Variants in OPTN observed in about 807,000 individuals in gnomAD.
The protein encoded by OPTN is optineurin, also known as E3-14.7K-interacting protein.
OPTN carries 54 observed loss-of-function variants against 70.4 expected under a neutral mutation model. That is an observed-to-expected ratio of 0.77 (90% CI 0.62 to 0.96). The LOEUF (loss-of-function observed/expected upper bound fraction) is 0.96, where lower values mean the gene tolerates loss of function less well. OPTN is among the 40% of genes least tolerant of loss of function. The probability of loss-of-function intolerance (pLI) is 0.00; values close to 1 mark genes in which losing one functional copy is unlikely to be tolerated. For synonymous variants in OPTN, 256 were observed against 248.5 expected (o/e 1.03, Z -0.28); for missense variants, 624 against 673.2 (o/e 0.93, Z 0.81).
chr10:13,113,793 C>G (rs545329271), intron 5 of OPTN, among the ~76,000 whole-genome samples: 1 of 152,282 alleles, frequency 6.6e-6, no homozygotes, highest in African/African-American at 2.4e-5. Flanking sequence ...TGTAATGGCT[C>G]ACGCCTATAA....
At chr10:13,112,722 A>T (rs1040792405) in intron 5 of OPTN, 87 bp downstream of exon 5, 1 of 1,331,378 alleles carries the variant, frequency 7.5e-7, no homozygotes, top group Non-Finnish European at 1.1e-6. Context: ...TCTTGTCAAC[A>T]CAAGCCAAGG....
At chr10:13,127,926 A>G in intron 12 of OPTN, 23 bp downstream of exon 12, 2 of 1,613,708 alleles carry the variant, frequency 1.2e-6, no homozygotes, top group Non-Finnish European at 1.7e-6. Context: ...CCAAAACCCC[A>G]GCTGAGCGAG....
At chr10:13,130,231 C>T (rs932160602) in intron 12 of OPTN, among the ~76,000 whole-genome samples, 3 of 151,850 alleles carry the variant, frequency 2.0e-5, no homozygotes, top group African/African-American at 4.8e-5. Flanking sequence ...TCGAGACCAA[C>T]CTGGCCAATA....
In OPTN at chr10:13,133,492, G is replaced by T; in HGVS notation, c.1533-10G>T. 2 of 1,613,726 alleles carry T rather than the reference G, an allele frequency of 1.2e-6. No individual in the cohort carries two copies. The highest frequency in any genetic ancestry group is 1.3e-5 in the African/African-American group (1 of 74,986). ...AACATCACACAGCGTGTTGCTTTTC[G>T]TCCTGGCAGGCAGTCCTTGATGGAG... On this transcript the variant is annotated splice_polypyrimidine_tract_variant and intron_variant, in intron 13 of 14. Coordinates refer to ENST00000378747, the MANE Select transcript of OPTN (RefSeq NM_001008212.2).
In OPTN at chr10:13,122,417, G is replaced by C. The variant is rs201896586; in HGVS notation, c.812G>C (p.Arg271Pro). The change falls in exon 8 of 15, where the codon CGT becomes CCT. Residue 271 changes from arginine to proline, a missense_variant. Physicochemically the swap from Arg to Pro is moderately radical, Grantham distance 103. Coordinates refer to ENST00000378747, the MANE Select transcript of OPTN (RefSeq NM_001008212.2). The part of the protein sequence containing the change: ...VSDFEKKTSN[R>P]SEIETQTEGS... The stretch of plus-strand genomic sequence containing the variant: ...GATTTTGAAAAGAAAACAAGTAATC[G>C]TTCTGAGATTGAAACCCAGACAGAG... 1.2e-6 allele frequency: 2 copies of C among 1,613,670 alleles called. No individual in the cohort carries two copies. The highest frequency in any genetic ancestry group is 3.3e-5 in the Admixed American group (2 of 59,974).
At chr10:13,124,300 G>A (rs1219319036) in intron 9 of OPTN, among the ~76,000 whole-genome samples, 190 bp downstream of exon 9, 1 of 152,278 alleles carries the variant, frequency 6.6e-6, no homozygotes, top group East Asian at 1.9e-4. Flanking sequence ...AAGATGGGGG[G>A]TTGGGGACTG....
intron 11 of OPTN, among the ~76,000 whole-genome samples, chr10:13,127,230 C>T (rs1833486485): frequency 6.6e-6 from 1 of 152,172 alleles, no homozygotes; most frequent in African/African-American, 2.4e-5. Context: ...AATCCACGTG[C>T]CTCAGCCTCC....
intron 12 of OPTN, 131 bp from the exon 13 acceptor site, chr10:13,131,936 C>A: frequency 1.2e-6 from 1 of 848,784 alleles, no homozygotes; most frequent in Non-Finnish European, 1.9e-6. Flanking sequence ...ATACTGTTTT[C>A]TAGCAGGATT....
intron 2 of OPTN, among the ~76,000 whole-genome samples, chr10:13,108,640 G>A (rs1283635427): frequency 1.3e-5 from 2 of 151,138 alleles, no homozygotes; most frequent in South Asian, 2.1e-4. Context: ...TCTGCCTCCC[G>A]GGTTCACGCC....
Position 13,126,283 on chromosome 10 carries a change from C to CTT in OPTN, c.1242+258_1242+259dup, listed in dbSNP as rs61018153. ...GTCAGGGATTAAGCACTTCGTATTTCTTTTTTTTTTTTTTTGAGACGGAGT... is the reference window on the plus strand; with the variant it reads ...GTCAGGGATTAAGCACTTCGTATTTCTTTTTTTTTTTTTTTTTGAGACGGAGT... On this transcript the variant is annotated intron_variant, in intron 11 of 14. Transcript: ENST00000378747. Among the ~76,000 whole-genome samples the CTT allele has an allele frequency of 4.4e-4, 61 of 139,076 alleles. 1 individual carries two copies. The highest frequency in any genetic ancestry group is 1.9e-3 in the East Asian group (9 of 4,776). The allele number at this position is 139,076 out of a possible 152,430, so 91.2% of individuals were successfully genotyped here. A position where few individuals can be genotyped will look rare whatever the true frequency, so the allele number is the denominator to read the frequency against.
At chr10:13,100,537 G>T (rs562385563) in intron 1 of OPTN, among the ~76,000 whole-genome samples, 1 of 152,322 alleles carries the variant, frequency 6.6e-6, no homozygotes, top group Non-Finnish European at 1.5e-5. Flanking sequence ...ACACAGGGTG[G>T]GCCCAAGAAG....
Position 13,126,037 on chromosome 10 carries a change from G to T in OPTN, c.1240G>T (p.Glu414Ter), listed in dbSNP as rs1290371596. 6 of 1,598,124 alleles carry T rather than the reference G, an allele frequency of 3.8e-6. No homozygotes were observed. In the Admixed American group the frequency reaches 1.0e-4, roughly 27 times the overall value. The change falls in exon 11 of 15, where the codon GAG becomes TAG. Residue 414 changes from glutamate (E) to a stop codon, truncating the protein, a stop_gained and splice_region_variant. Transcript: ENST00000378747. LOFTEE classifies it high-confidence loss of function. ...AACAATTGAGGAACTAACAAGAAAA[G>T]AGGTATTCACTGAAAAAAATTACTT... ...LKTIEELTRK[E>*]SEKVDRAVLK...
chr10:13,104,542 T>C, intron 1 of OPTN: 2 of 546,290 alleles, frequency 3.7e-6, no homozygotes, highest in Non-Finnish European at 7.0e-6. Context: ...AGAGAGGACA[T>C]GGGTTTCTCT....
rs1564368754 is a variant in OPTN, at chr10:13,132,121, C to T, written c.1456C>T (p.His486Tyr). 2 of 1,613,546 alleles carry T rather than the reference C, an allele frequency of 1.2e-6. No individual in the cohort carries two copies. Among genetic ancestry groups the T allele is most frequent in the African/African-American group, 1.3e-5 (1 of 74,972 alleles). ...TGAAAGAGCAGCGAGAGAGAAAATTCATGAGGAAAAGGAGCAACTGGCATT... is the reference window on the plus strand; with the variant it reads ...TGAAAGAGCAGCGAGAGAGAAAATTTATGAGGAAAAGGAGCAACTGGCATT... The part of the protein sequence containing the change: ...HAERAAREKI[H>Y]EEKEQLALQL... The change falls in exon 13 of 15, where the codon CAT becomes TAT. Residue 486 changes from histidine to tyrosine, a missense_variant. Physicochemically the swap from His to Tyr is moderately conservative, Grantham distance 83 (BLOSUM62 2). Coordinates refer to ENST00000378747, the MANE Select transcript of OPTN (RefSeq NM_001008212.2).
At chr10:13,126,853 C>G (rs1833477433) in intron 11 of OPTN, among the ~76,000 whole-genome samples, 1 of 152,066 alleles carries the variant, frequency 6.6e-6, no homozygotes, top group Non-Finnish European at 1.5e-5. Context: ...CAGGGAGGCC[C>G]TATCTCTACA....
rs182842758 is a variant in OPTN, at chr10:13,111,886, T to A, written c.370-567T>A. 2.8e-4 allele frequency among the ~76,000 whole-genome samples: 41 copies of A among 144,562 alleles called. No individual in the cohort carries two copies. In the South Asian group the frequency reaches 9.1e-3, roughly 32 times the overall value. The allele number at this position is 144,562 out of a possible 152,430, so 94.8% of individuals were successfully genotyped here. ...TTTTTGAGATGGAGTCTTGCTCTGT[T>A]GCCCAGGCTGGAGTACAGTGGCATA... On this transcript the variant is annotated intron_variant, in intron 4 of 14. Coordinates refer to ENST00000378747, the MANE Select transcript of OPTN (RefSeq NM_001008212.2).
At chr10:13,120,767 A>T (rs77966583) in intron 7 of OPTN, among the ~76,000 whole-genome samples, 4,205 of 152,194 alleles carry the variant, frequency 0.028, 86 homozygotes, top group Non-Finnish European at 0.04. Context: ...TAAGTTTTGA[A>T]ATCAGGAAGT....
intron 6 of OPTN, among the ~76,000 whole-genome samples, chr10:13,117,107 A>ATTT (rs1833228781): frequency 2.9e-5 from 4 of 139,206 alleles, no homozygotes; most frequent in African/African-American, 5.5e-5. Flanking sequence ...TTGAGACGGA[A>ATTT]TCTTGTTCTG....
upstream of OPTN, chr10:13,100,082 G>C (rs886046816): frequency 1.4e-4 from 22 of 152,186 alleles, no homozygotes; most frequent in African/African-American, 4.4e-4. Flanking sequence ...GAAATTCCCC[G>C]GCGCGGGCAG....
Sources: allele counts gnomAD v4.1 joint callset (sites outside exome capture counted in the v4.1 genomes callset), GRCh38; gene constraint gnomAD v4.1.1; transcripts MANE v1.5; gene names NCBI Gene and HGNC (gene_info 2026-07-23, HGNC 2026-07-21).